Variants in CTNNA2 observed in about 807,000 individuals in gnomAD.
The protein encoded by CTNNA2 is catenin alpha-2.
A neutral mutation model predicts 101.0 loss-of-function variants in CTNNA2; 42 were observed. That is an observed-to-expected ratio of 0.42 (90% CI 0.32 to 0.54). The LOEUF (loss-of-function observed/expected upper bound fraction) is 0.54, where lower values mean the gene tolerates loss of function less well. Ranked by LOEUF, CTNNA2 falls within the 20% of genes least tolerant of loss-of-function variation. The pLI is 0.14. For synonymous variants in CTNNA2, 450 were observed against 456.4 expected, an observed-to-expected ratio of 0.99 and a Z score of 0.18; for missense variants, 871 against 1,223.1, an observed-to-expected ratio of 0.71 and a Z score of 4.29.
intron 15 of CTNNA2, among the ~76,000 whole-genome samples, chr2:80,596,206 T>G (rs909243045): frequency 3.3e-5 from 5 of 149,624 alleles, no homozygotes; most frequent in Admixed American, 1.3e-4. Flanking sequence ...TTTTTGCACA[T>G]TGATTTTGCA....
intron 1 of CTNNA2, among the ~76,000 whole-genome samples, chr2:79,604,510 T>A (rs1177069809): frequency 6.6e-6 from 1 of 152,136 alleles, no homozygotes; most frequent in Non-Finnish European, 1.5e-5. Flanking sequence ...ATCTGAAGTG[T>A]CTAGACTTTC....
At chr2:80,093,119 AG>A (rs1390453574) in intron 7 of CTNNA2, among the ~76,000 whole-genome samples, 5 of 152,082 alleles carry the variant, frequency 3.3e-5, no homozygotes, top group African/African-American at 9.6e-5. Context: ...CTCATCATTT[AG>A]CATTAGGTAT....
At chr2:79,771,893 A>G (rs1673610826) in intron 3 of CTNNA2, among the ~76,000 whole-genome samples, 2 of 152,208 alleles carry the variant, frequency 1.3e-5, no homozygotes, top group Non-Finnish European at 2.9e-5. Context: ...ATGCTATATA[A>G]TAGTTTTATG....
intron 7 of CTNNA2, among the ~76,000 whole-genome samples, chr2:79,971,321 C>T (rs1180882103): frequency 6.6e-6 from 1 of 152,142 alleles, no homozygotes; most frequent in Non-Finnish European, 1.5e-5. Flanking sequence ...AACATATTAT[C>T]ATCACTATTA....
intron 2 of CTNNA2, among the ~76,000 whole-genome samples, chr2:79,299,354 T>C (rs941297422): frequency 1.3e-5 from 2 of 152,168 alleles, no homozygotes; most frequent in African/African-American, 4.8e-5. Context: ...TCTGATTGTT[T>C]AGTGCCAGCG....
chr2:79,500,038 A>G (rs1671302827), intron 4 of CTNNA2, among the ~76,000 whole-genome samples: 1 of 152,172 alleles, frequency 6.6e-6, no homozygotes, highest in Admixed American at 6.5e-5. Flanking sequence ...CACCCACATT[A>G]TGGAGGCCAT....
chr2:79,462,908 C>G (rs1044966182), intron 4 of CTNNA2, among the ~76,000 whole-genome samples: 1 of 152,138 alleles, frequency 6.6e-6, no homozygotes, highest in African/African-American at 2.4e-5. Context: ...TGAGTGGAAG[C>G]TGGGATGTGT....
chr2:79,832,048 C>G (rs1446100118), intron 3 of CTNNA2, among the ~76,000 whole-genome samples: 1 of 152,106 alleles, frequency 6.6e-6, no homozygotes, highest in African/African-American at 2.4e-5. Context: ...AGATAAAGTG[C>G]CTGCAGTCAT....
intron 5 of CTNNA2, among the ~76,000 whole-genome samples, chr2:79,871,371 GT>G (rs1423602969): frequency 1.3e-5 from 2 of 152,128 alleles, no homozygotes; most frequent in African/African-American, 4.8e-5. Flanking sequence ...ATCTTGTATG[GT>G]AGCCCAATGT....
At chr2:79,269,589 A>C (rs1675035603) in intron 2 of CTNNA2, among the ~76,000 whole-genome samples, 1 of 152,164 alleles carries the variant, frequency 6.6e-6, no homozygotes, top group African/African-American at 2.4e-5. Flanking sequence ...AAATCATTGC[A>C]GTTTATCCAG....
intron 4 of CTNNA2, among the ~76,000 whole-genome samples, chr2:79,869,133 A>T (rs1682382140): frequency 6.6e-6 from 1 of 152,206 alleles, no homozygotes; most frequent in Non-Finnish European, 1.5e-5. Context: ...ACTATGGAAA[A>T]GTTCACTGAG....
At chr2:80,238,395 A>G (rs1709655761) in intron 7 of CTNNA2, among the ~76,000 whole-genome samples, 1 of 152,200 alleles carries the variant, frequency 6.6e-6, no homozygotes, top group Admixed American at 6.5e-5. Context: ...GATATAAGAA[A>G]TAACATTACA....
intron 7 of CTNNA2, among the ~76,000 whole-genome samples, chr2:80,392,156 G>A (rs751427767): frequency 9.9e-5 from 15 of 152,154 alleles, no homozygotes; most frequent in Non-Finnish European, 1.8e-4. Flanking sequence ...TAATTTTTAT[G>A]CATTGCCAAA....
chr2:79,206,654 C>G (rs1354929055), intron 2 of CTNNA2, among the ~76,000 whole-genome samples: 1 of 152,174 alleles, frequency 6.6e-6, no homozygotes, highest in African/African-American at 2.4e-5. Flanking sequence ...CTTAAATGAA[C>G]TAAGCTAGCT....
chr2:80,302,021 T>C lies in CTNNA2; in HGVS notation c.1057-91190T>C, dbSNP rs1676368539. On this transcript the variant is annotated intron_variant, in intron 7 of 18. Transcript: ENST00000402739. The surrounding 1 kb of genome is among the most constrained non-coding windows in gnomAD (Gnocchi z 6.4). ...AGGAGTTCTCATATGAAATTTAAGA[T>C]AGACTGTCCTGAAGGTTGTGGGGTG... The C allele has an allele frequency of 4.2e-6, 2 of 479,446 alleles. No individual in the cohort carries two copies. Among genetic ancestry groups the C allele is most frequent in the East Asian group, 3.4e-5 (1 of 29,850 alleles). The allele number at this position is 479,446 out of a possible 1,614,324, so 29.7% of individuals were successfully genotyped here.
chr2:79,353,657 G>A (rs1301211903), intron 3 of CTNNA2, among the ~76,000 whole-genome samples: 1 of 152,042 alleles, frequency 6.6e-6, no homozygotes, highest in African/African-American at 2.4e-5. Context: ...GGGATATTTG[G>A]AACATTACAT....
rs1324658063 is a variant in CTNNA2 at position 79,587,734 on chromosome 2, A to G, written c.-5-63818A>G. On this transcript the variant is annotated intron_variant, in intron 1 of 18. Transcript: ENST00000402739. ...CTAGGAATGGGAGTCCAGCCCAAGA[A>G]TAGCAACTTTTTGTAAGGGCAGTTC... is the stretch of plus-strand genomic sequence containing the variant. Among the ~76,000 whole-genome samples the G allele has an allele frequency of 2.0e-5, 3 of 152,192 alleles. 1 individual carries two copies. Among genetic ancestry groups the G allele is most frequent in the Non-Finnish European group, 4.4e-5 (3 of 68,038 alleles).
chr2:79,379,139 C>T (rs910479019), intron 4 of CTNNA2, among the ~76,000 whole-genome samples: 1 of 152,096 alleles, frequency 6.6e-6, no homozygotes, highest in African/African-American at 2.4e-5. Flanking sequence ...GAATGGTTAA[C>T]CTCAGAAATT....
intron 9 of CTNNA2, among the ~76,000 whole-genome samples, chr2:80,429,018 A>C (rs1203671698): frequency 6.6e-6 from 1 of 152,158 alleles, no homozygotes; most frequent in African/African-American, 2.4e-5. Flanking sequence ...CAATTCTGTA[A>C]ATAATAATAC....
Sources: allele counts gnomAD v4.1 joint callset (sites outside exome capture counted in the v4.1 genomes callset), GRCh38; gene constraint gnomAD v4.1.1; non-coding constraint Gnocchi (gnomAD v3.1); transcripts MANE v1.5; gene names NCBI Gene and HGNC (gene_info 2026-07-23, HGNC 2026-07-21).